The following WT1 variants were observed in gnomAD, a reference collection of about 807,000 sequenced individuals.
WT1 encodes WT1 transcription factor, also known as Wilms tumor protein.
In WT1, 8 loss-of-function variants were observed where a neutral mutation model predicts 60.8. The observed-to-expected ratio is 0.13, with a 90% CI of 0.08 to 0.24. The LOEUF (loss-of-function observed/expected upper bound fraction) is 0.24. WT1 is among the 10% of genes least tolerant of loss of function. The pLI is 1.00. For missense variants in WT1, 568 were observed against 711.8 expected (o/e 0.80, Z 2.30); for synonymous variants, 312 against 297.1 (o/e 1.05, Z -0.52).
At chr11:32,420,150 G>T (rs1852809229) in intron 3 of WT1, among the ~76,000 whole-genome samples, 1 of 152,128 alleles carries the variant, frequency 6.6e-6, no homozygotes, top group East Asian at 1.9e-4. Flanking sequence ...AAAATGATAA[G>T]ATTTTTTGCT....
intron 3 of WT1, 46 bp from the exon 4 acceptor site, chr11:32,417,700 A>C: frequency 6.7e-7 from 1 of 1,495,124 alleles, no homozygotes; most frequent in Non-Finnish European, 9.3e-7. Context: ...CCACAAAATA[A>C]TACACAACTG....
chr11:32,429,074 C>A, intron 1 of WT1: 1 of 276,708 alleles, frequency 3.6e-6, no homozygotes, highest in Non-Finnish European at 7.1e-6. Flanking sequence ...ATCAGGGGCC[C>A]GCGCACCAAC....
chr11:32,425,010 T>C (rs936284948), intron 3 of WT1, among the ~76,000 whole-genome samples: 2 of 151,974 alleles, frequency 1.3e-5, no homozygotes, highest in Non-Finnish European at 2.9e-5. Context: ...AAACCCCGTC[T>C]CTACTAAAAA....
chr11:32,389,653 A>G (rs1306250896), intron 9 of WT1, among the ~76,000 whole-genome samples: 1 of 152,120 alleles, frequency 6.6e-6, no homozygotes, highest in African/African-American at 2.4e-5. Context: ...TGAAGCTTTT[A>G]ACACTTCTAT....
chr11:32,411,066 A>AGTACACACACACACACACAC (rs1362137941), intron 5 of WT1, among the ~76,000 whole-genome samples: 1 of 83,160 alleles, frequency 1.2e-5, no homozygotes, highest in Non-Finnish European at 2.4e-5. Context: ...CTCCCTCTCC[A>AGTACACACACACACACACAC]ATACACACAC....
chr11:32,427,751 T>C (rs1238408021), intron 3 of WT1, among the ~76,000 whole-genome samples: 2 of 152,262 alleles, frequency 1.3e-5, no homozygotes, highest in East Asian at 1.9e-4. Flanking sequence ...TCCTCATTTT[T>C]ATACAACATA....
chr11:32,419,751 T>C (rs1013402024), intron 3 of WT1, among the ~76,000 whole-genome samples: 8 of 152,246 alleles, frequency 5.3e-5, no homozygotes, highest in African/African-American at 1.9e-4. Context: ...TAGAGTGCAG[T>C]GGCGCTATTT....
intron 3 of WT1, among the ~76,000 whole-genome samples, chr11:32,419,717 G>A (rs771496000): frequency 6.6e-6 from 1 of 152,164 alleles, no homozygotes; most frequent in African/African-American, 2.4e-5. Context: ...TCCGTTAGAC[G>A]GAGTCTCACT....
At chr11:32,401,172 T>C (rs1394218691) in intron 5 of WT1, among the ~76,000 whole-genome samples, 1 of 152,148 alleles carries the variant, frequency 6.6e-6, no homozygotes, top group African/African-American at 2.4e-5. Context: ...TATTCAGCAA[T>C]GAAAAGGAAT....
chr11:32,395,651 G>T (rs528631042), intron 7 of WT1, among the ~76,000 whole-genome samples: 1 of 151,928 alleles, frequency 6.6e-6, no homozygotes, highest in African/African-American at 2.4e-5. Flanking sequence ...TAGTAGAGAC[G>T]GGGTTTCACC....
At chr11:32,399,856 G>T (rs1852092794) in intron 6 of WT1, 92 bp downstream of exon 6, 2 of 1,381,724 alleles carry the variant, frequency 1.4e-6, no homozygotes, top group Non-Finnish European at 2.0e-6. Context: ...GGCTGCCAGG[G>T]CCAAAGAGTC....
At chr11:32,400,784 C>T (rs1366685790) in intron 5 of WT1, among the ~76,000 whole-genome samples, 2 of 152,244 alleles carry the variant, frequency 1.3e-5, no homozygotes, top group Non-Finnish European at 2.9e-5. Context: ...GATACAATGC[C>T]TCTATCTGCT....
intron 1 of WT1, 108 bp from the exon 2 acceptor site, chr11:32,428,727 C>A: frequency 1.3e-6 from 2 of 1,515,082 alleles, no homozygotes; most frequent in Non-Finnish European, 1.8e-6. Context: ...ACCCCGCATT[C>A]GGACCCCCAG....
In WT1 at chr11:32,396,399, T is replaced by C. The variant is rs16754; in HGVS notation, c.1122A>G (p.Arg374=). The C allele has an allele frequency of 0.18, 291,078 of 1,613,638 alleles. 35,597 individuals carry two copies. Among genetic ancestry groups the C allele is most frequent in the East Asian group, 0.67 (30,108 of 44,860 alleles). The change falls in exon 7 of 10, where the codon CGA becomes CGG. Residue 374 remains arginine, a synonymous_variant. Transcript: ENST00000452863. Reference sequence around the variant, plus strand: ...GAGTCGGGGCTACTCCAGGCACACGTCGCACATCCTGCAGGCAGAGAGTAA... The same window carrying C: ...GAGTCGGGGCTACTCCAGGCACACGCCGCACATCCTGCAGGCAGAGAGTAA...
Position 32,428,015 on chromosome 11 carries a change from G to A in WT1, c.828C>T (p.His276=). 1.2e-6 allele frequency: 2 copies of A among 1,611,268 alleles called. No individual in the cohort carries two copies. The highest frequency in any genetic ancestry group is 1.7e-6 in the Non-Finnish European group (2 of 1,178,846). ...TGCCGGTGCAGCTGTCGGTGGGGGT[G>A]TGGCAGCCATAGACCGGGGGCGGCA... Residue 276 remains histidine (H), a synonymous_variant, in exon 3 of 10, where the codon CAC becomes CAT. Coordinates refer to ENST00000452863, the MANE Select transcript of WT1 (RefSeq NM_024426.6).
intron 1 of WT1, among the ~76,000 whole-genome samples, chr11:32,432,509 T>C (rs1024769675): frequency 6.6e-6 from 1 of 152,206 alleles, no homozygotes; most frequent in African/African-American, 2.4e-5. Context: ...CCCATCTGTT[T>C]TCACTGCAAG....
At chr11:32,390,162 C>A (rs1459664043) in intron 9 of WT1, among the ~76,000 whole-genome samples, 2 of 152,200 alleles carry the variant, frequency 1.3e-5, no homozygotes, top group Non-Finnish European at 2.9e-5. Context: ...AGCTGCAGCT[C>A]CATCTTAAGG....
chr11:32,388,961 A>C lies in WT1; in HGVS notation c.*97T>G. 1.3e-6 allele frequency: 2 copies of C among 1,595,868 alleles called. No individual in the cohort carries two copies. The highest frequency in any genetic ancestry group is 1.7e-6 in the Non-Finnish European group (2 of 1,168,594). ...AAGTTGGATGAAGAAGATCAACTGA[A>C]GTTTCCTTTTTAGTGAGGAGGAGTG... On this transcript the variant is annotated 3_prime_UTR_variant, in exon 10 of 10. Transcript: ENST00000452863.
At chr11:32,407,736 G>A (rs916300733) in intron 5 of WT1, among the ~76,000 whole-genome samples, 5 of 152,016 alleles carry the variant, frequency 3.3e-5, no homozygotes, top group Non-Finnish European at 5.9e-5. Flanking sequence ...AATAAACCCC[G>A]CTGCAAGCCT....
Sources: gnomAD v4.1 joint callset for allele counts (sites outside exome capture counted in the v4.1 genomes callset) on GRCh38, gnomAD v4.1.1 for gene constraint, MANE v1.5 for transcripts, NCBI Gene and HGNC (gene_info 2026-07-23, HGNC 2026-07-21) for gene names.